The following CTCFL variants were observed in gnomAD, a reference collection of about 807,000 sequenced individuals.
The protein encoded by CTCFL is transcriptional repressor CTCFL.
CTCFL carries 36 observed loss-of-function variants against 67.4 expected under a neutral mutation model. The observed-to-expected ratio is 0.53, with a 90% confidence interval of 0.41 to 0.71. CTCFL has a LOEUF of 0.71. Ranked by LOEUF, CTCFL falls within the 30% of genes least tolerant of loss-of-function variation. The pLI, the probability that CTCFL is intolerant of heterozygous loss-of-function variation, is 0.00. For missense variants in CTCFL, 786 were observed against 835.2 expected (o/e 0.94, Z 0.73); for synonymous variants, 324 against 302.3 (o/e 1.07, Z -0.75).
At chr20:57,506,737 A>C in intron 9 of CTCFL, 1 of 960,320 alleles carries the variant, frequency 1.0e-6, no homozygotes, top group Non-Finnish European at 1.2e-6. Context: ...GAGGGACTGC[A>C]TGAGGCAGAC....
intron 3 of CTCFL, among the ~76,000 whole-genome samples, chr20:57,519,687 T>C (rs1000456458): frequency 6.6e-6 from 1 of 152,162 alleles, no homozygotes; most frequent in Non-Finnish European, 1.5e-5. Context: ...GAATGTCTTG[T>C]AGACCTAAGG....
chr20:57,499,779 C>T (rs759650983), intron 10 of CTCFL: 74 of 171,646 alleles, frequency 4.3e-4, no homozygotes, highest in Non-Finnish European at 5.5e-4. Context: ...GAGTTCACAA[C>T]AGGGTTCACA....
rs1291691714 is a variant in CTCFL, at chr20:57,504,500, CA to C, written c.1675-900del. On this transcript the variant is annotated intron_variant, in intron 9 of 10. Transcript: ENST00000243914. ...TCCACCATGCTGGCCAGGCTGGACT[CA>C]AAACTCCTGACCTCAAGTGATCCAC... 5.3e-5 allele frequency among the ~76,000 whole-genome samples: 8 copies of C among 151,282 alleles called. No individual in the cohort carries two copies. In the East Asian group the frequency reaches 1.6e-3, roughly 30 times the overall value.
intron 9 of CTCFL, among the ~76,000 whole-genome samples, chr20:57,504,310 C>T (rs190501640): frequency 1.1e-4 from 15 of 135,316 alleles, no homozygotes; most frequent in African/African-American, 1.4e-4. Context: ...ATGGGAGTCT[C>T]GCTCTGTCAC....
downstream of CTCFL, chr20:57,497,122 CAAAG>C (rs1430513050): frequency 3.3e-5 from 16 of 480,874 alleles, no homozygotes; most frequent in Non-Finnish European, 4.3e-5. Flanking sequence ...TCTCTCCAGA[CAAAG>C]AAGATGTTTT....
intron 9 of CTCFL, chr20:57,507,904 G>A (rs1398236232): frequency 7.1e-6 from 5 of 702,216 alleles, no homozygotes; most frequent in Middle Eastern, 4.6e-4. Context: ...TAAATGTATT[G>A]CTTAGTCCAG....
intron 1 of CTCFL, chr20:57,524,619 C>G: frequency 9.8e-7 from 1 of 1,023,036 alleles, no homozygotes; most frequent in Non-Finnish European, 1.2e-6. Context: ...AGCAGGCTCT[C>G]GGCCAGTGCA....
At chr20:57,514,493 G>A in intron 7 of CTCFL, 99 bp downstream of exon 7, 2 of 1,399,902 alleles carry the variant, frequency 1.4e-6, no homozygotes, top group Non-Finnish European at 9.8e-7. Context: ...CGAAGACCGG[G>A]CCTCCCAGTA....
At position 57,507,483 on chromosome 20, in the gene CTCFL, C is replaced by A. The variant is rs191990918; in HGVS notation, c.1674+1123G>T. The stretch of plus-strand genomic sequence containing the variant: ...GAAGTACTGGGATTACAGGTGTGAG[C>A]CCCCACAGCTGGCTGTTGTGCCGCT... On this transcript the variant is annotated intron_variant, in intron 9 of 10. Coordinates refer to ENST00000243914, the MANE Select transcript of CTCFL (RefSeq NM_001386993.1). The A allele has an allele frequency of 1.3e-3, 850 of 671,756 alleles. 5 individuals carry two copies. In the African/African-American group the frequency reaches 0.013, roughly 10 times the overall value. 41.6% of individuals were successfully genotyped at this position (671,756 alleles called of 1,614,324 possible). A position where few individuals can be genotyped will look rare whatever the true frequency, so the allele number is the denominator to read the frequency against.
At chr20:57,499,890 C>T in intron 10 of CTCFL, 2 of 856,634 alleles carry the variant, frequency 2.3e-6, no homozygotes, top group Non-Finnish European at 1.4e-6. Flanking sequence ...TTCACTCCCT[C>T]ACCCACTGCT....
chr20:57,500,700 C>A (rs907472661), intron 10 of CTCFL, among the ~76,000 whole-genome samples: 1 of 152,188 alleles, frequency 6.6e-6, no homozygotes, highest in Non-Finnish European at 1.5e-5. Flanking sequence ...CAATTCCTAT[C>A]ATCAGTTTTT....
intron 10 of CTCFL, chr20:57,499,952 G>C (rs1192330621): frequency 1.0e-6 from 1 of 986,446 alleles, no homozygotes; most frequent in Non-Finnish European, 1.2e-6. Flanking sequence ...CCACGGCTGG[G>C]GGGTTGGGGA....
At chr20:57,502,117 C>T (rs2067948858) in intron 10 of CTCFL, among the ~76,000 whole-genome samples, 1 of 152,214 alleles carries the variant, frequency 6.6e-6, no homozygotes, top group African/African-American at 2.4e-5. Flanking sequence ...CCCTCAGTCT[C>T]ACCAGTTCCC....
At chr20:57,508,580 A>G (rs763072684) in intron 9 of CTCFL, 26 bp downstream of exon 9, 2 of 1,608,238 alleles carry the variant, frequency 1.2e-6, no homozygotes, top group Non-Finnish European at 1.7e-6. Context: ...TCCATGGGGG[A>G]TTTACTGTGA....
At position 57,503,454 on chromosome 20, in the gene CTCFL, C is replaced by G; in HGVS notation, c.1822G>C (p.Glu608Gln). ...GQKEAAKGWK[E>Q]AANGDEAAAE... ...TCAGTACCGTCTCCGTTCGCGGCTTCCTTCCATCCCTTCGCAGCTTCCTTC... is the reference window on the plus strand; with the variant it reads ...TCAGTACCGTCTCCGTTCGCGGCTTGCTTCCATCCCTTCGCAGCTTCCTTC... The change falls in exon 10 of 11, where the codon GAA becomes CAA. Residue 608 changes from glutamate to glutamine, a missense_variant. Physicochemically the swap from Glu to Gln is conservative, Grantham distance 29 (BLOSUM62 2). Coordinates refer to ENST00000243914, the MANE Select transcript of CTCFL (RefSeq NM_001386993.1). 6.2e-7 allele frequency: 1 copy of G among 1,614,218 alleles called. No homozygotes were observed.
rs2069587499 is a variant in CTCFL, at chr20:57,523,742, G to C, written c.464C>G (p.Ala155Gly). 6.2e-7 allele frequency: 1 copy of C among 1,613,324 alleles called. No homozygotes were observed. Among genetic ancestry groups the C allele is most frequent in the Non-Finnish European group, 8.5e-7 (1 of 1,180,036 alleles). ...PQEMEVLQFH[A>G]LEENVMVASE... The stretch of plus-strand genomic sequence containing the variant: ...GGCCACCATCACATTCTCCTCTAGA[G>C]CGTGGAACTGCAACACCTCCATCTC... The change falls in exon 2 of 11, where the codon GCT becomes GGT. Residue 155 changes from alanine to glycine, a missense_variant. Physicochemically the swap from Ala to Gly is moderately conservative, Grantham distance 60. This residue lies in a region of CTCFL where 333 missense variants were observed against 304.6 expected (regional missense o/e 1.09). Transcript: ENST00000243914.
rs1326222886 is a variant in CTCFL, at chr20:57,523,184, T to A, written c.638A>T (p.Asp213Val). Residue 213 changes from aspartate (D) to valine (V), a missense_variant, in exon 3 of 11, where the codon GAC becomes GTC. Transcript: ENST00000243914. ...ATTTGAAACTGTGAGAACAATTTCG[T>A]CACTTCTTTCATCTCCTGACATTGT... Reference protein sequence around the residue: ...VETMSGDERSDEIVLTVSNSN... With the variant: ...VETMSGDERSVEIVLTVSNSN... The A allele has an allele frequency of 5.6e-6, 9 of 1,613,936 alleles. No individual in the cohort carries two copies. The highest frequency in any genetic ancestry group is 6.8e-6 in the Non-Finnish European group (8 of 1,180,006).
chr20:57,496,009 C>T (rs894417937), downstream of CTCFL: 5 of 376,270 alleles, frequency 1.3e-5, no homozygotes, highest in African/African-American at 8.3e-5. Flanking sequence ...AATTAACATA[C>T]ATTTGGTTGT....
At position 57,498,574 on chromosome 20, in the gene CTCFL, C is replaced by T; in HGVS notation, c.1968G>A (p.Met656Ile). Residue 656 changes from methionine to isoleucine, a missense_variant, in exon 11 of 11, where the codon ATG (methionine) becomes ATA (isoleucine). Met to Ile is a conservative substitution (Grantham distance 10). Around this residue, in one of 3 missense-constraint regions of CTCFL, gnomAD observed 199 missense variants for 196.7 expected, o/e 1.01. Transcript: ENST00000243914. Reference protein sequence around the residue: ...EEVDEGVTCEMLLNTMDK With the variant: ...EEVDEGVTCEILLNTMDK Reference sequence around the variant, plus strand: ...CTCACTTATCCATCGTGTTGAGGAGCATTTCACAGGTCACGCCTTCATCCA... The same window carrying T: ...CTCACTTATCCATCGTGTTGAGGAGTATTTCACAGGTCACGCCTTCATCCA... 1 of 1,613,914 alleles carries T rather than the reference C, an allele frequency of 6.2e-7. No homozygotes were observed. Among genetic ancestry groups the T allele is most frequent in the Non-Finnish European group, 8.5e-7 (1 of 1,179,912 alleles).
Sources: gnomAD v4.1 joint callset for allele counts (sites outside exome capture counted in the v4.1 genomes callset) on GRCh38, gnomAD v4.1.1 for gene constraint, gnomAD v4.1.1 regional missense constraint, MANE v1.5 for transcripts, NCBI Gene and HGNC (gene_info 2026-07-23, HGNC 2026-07-21) for gene names.